Variants in THRB observed in about 807,000 individuals in gnomAD.
THRB encodes nuclear receptor subfamily 1 group A member 2.
In THRB, 12 loss-of-function variants were observed where a neutral mutation model predicts 47.8. The ratio of observed to expected loss-of-function variants is 0.25; its 90% CI spans 0.16 to 0.41. The LOEUF (loss-of-function observed/expected upper bound fraction) is 0.41, where lower values mean the gene tolerates loss of function less well. Among genes scored for constraint, THRB ranks in the 10% least tolerant of loss-of-function variants. The pLI, the probability that THRB is intolerant of heterozygous loss-of-function variation, is 1.00. For synonymous variants in THRB, 218 were observed against 212.2 expected (o/e 1.03, Z -0.24); for missense variants, 348 against 589.2 (o/e 0.59, Z 4.24).
intron 3 of THRB, among the ~76,000 whole-genome samples, chr3:24,272,347 AAACAAC>A (rs35975177): frequency 1.2e-3 from 183 of 149,876 alleles, no homozygotes; most frequent in African/African-American, 3.9e-3. Flanking sequence ...CTCTCTCTCA[AAACAAC>A]AACAACAACA....
chr3:24,285,806 TAG>T (rs990801340), intron 3 of THRB, among the ~76,000 whole-genome samples: 3 of 152,298 alleles, frequency 2.0e-5, no homozygotes, highest in Admixed American at 6.5e-5. Flanking sequence ...TTCCTAAGGT[TAG>T]AGTCTTTTTA....
intron 1 of THRB, among the ~76,000 whole-genome samples, chr3:24,432,275 G>A (rs1367590819): frequency 6.6e-6 from 1 of 152,084 alleles, no homozygotes; most frequent in African/African-American, 2.4e-5. Context: ...GTAGGAACTG[G>A]CAGGCAACCT....
chr3:24,426,279 C>T (rs748057613), intron 1 of THRB, among the ~76,000 whole-genome samples: 9 of 151,882 alleles, frequency 5.9e-5, no homozygotes, highest in Admixed American at 2.0e-4. Flanking sequence ...CAGTCCCTCA[C>T]AAATGTCACT....
intron 1 of THRB, among the ~76,000 whole-genome samples, chr3:24,432,244 C>T (rs1228067075): frequency 6.6e-6 from 1 of 152,058 alleles, no homozygotes; most frequent in Non-Finnish European, 1.5e-5. Context: ...AGGCAGGCCT[C>T]CTTAACCCCA....
At chr3:24,319,312 A>G (rs1306975930) in intron 2 of THRB, among the ~76,000 whole-genome samples, 1 of 152,212 alleles carries the variant, frequency 6.6e-6, no homozygotes, top group Non-Finnish European at 1.5e-5. Flanking sequence ...ACTGGAAACA[A>G]TCCAGTTTTC....
At chr3:24,316,054 A>G (rs7652452) in intron 2 of THRB, among the ~76,000 whole-genome samples, 12 of 152,170 alleles carry the variant, frequency 7.9e-5, no homozygotes, top group African/African-American at 2.4e-4. Flanking sequence ...CCAGCTATGA[A>G]TTGAAAATGC....
intron 1 of THRB, among the ~76,000 whole-genome samples, chr3:24,404,971 T>A (rs921625794): frequency 1.3e-5 from 2 of 151,944 alleles, no homozygotes; most frequent in African/African-American, 4.8e-5. Flanking sequence ...CTAAGAATGA[T>A]CATTAAAGAA....
rs147989103 is a variant in THRB at position 24,449,128 on chromosome 3, A to G, written c.-261+45524T>C. On this transcript the variant is annotated intron_variant, in intron 1 of 10. Transcript: ENST00000646209. ...TTGGCCAATGAAAGACAAAGTATGA[A>G]AGGGAAAATCAGTTCTTCAGAAATG... is the stretch of plus-strand genomic sequence containing the variant. 2.8e-3 allele frequency among the ~76,000 whole-genome samples: 420 copies of G among 152,316 alleles called. 3 individuals are homozygous for G. Among genetic ancestry groups the G allele is most frequent in the African/African-American group, 9.6e-3 (401 of 41,570 alleles).
chr3:24,153,778 C>T (rs1166183258), intron 5 of THRB, among the ~76,000 whole-genome samples: 2 of 152,116 alleles, frequency 1.3e-5, no homozygotes, highest in African/African-American at 4.8e-5. Context: ...CAAAATGAGG[C>T]AGGATTGGTT....
At chr3:24,267,658 CT>C (rs1244946327) in intron 3 of THRB, among the ~76,000 whole-genome samples, 3 of 152,208 alleles carry the variant, frequency 2.0e-5, no homozygotes, top group Admixed American at 2.0e-4. Context: ...ATGTCTAACA[CT>C]CTAGCCTGTC....
chr3:24,334,727 T>A (rs1398530509), intron 2 of THRB, among the ~76,000 whole-genome samples: 3 of 152,138 alleles, frequency 2.0e-5, no homozygotes, highest in African/African-American at 7.2e-5. Context: ...AGGAGGGACA[T>A]TTCTTTTGGG....
chr3:24,223,268 A>G (rs2047342151), intron 4 of THRB, among the ~76,000 whole-genome samples: 1 of 150,146 alleles, frequency 6.7e-6, no homozygotes, highest in Non-Finnish European at 1.5e-5. Context: ...AAAGGTAAGT[A>G]TGAGAGAGAA....
chr3:24,399,955 C>A (rs1253297656), intron 1 of THRB, among the ~76,000 whole-genome samples: 1 of 152,138 alleles, frequency 6.6e-6, no homozygotes, highest in African/African-American at 2.4e-5. Context: ...TCTCTCAACT[C>A]TTCTGCTCAA....
intron 4 of THRB, among the ~76,000 whole-genome samples, chr3:24,190,625 T>A (rs571664421): frequency 1.3e-5 from 2 of 152,222 alleles, no homozygotes; most frequent in African/African-American, 4.8e-5. Context: ...TCCACAGCAA[T>A]GGCCCAGGAG....
chr3:24,473,874 T>C (rs1359880271), intron 1 of THRB, among the ~76,000 whole-genome samples: 1 of 152,124 alleles, frequency 6.6e-6, no homozygotes, highest in Non-Finnish European at 1.5e-5. Context: ...CACTCATAAG[T>C]TGGAGTGGGA....
intron 3 of THRB, among the ~76,000 whole-genome samples, chr3:24,257,056 A>G (rs1247564279): frequency 6.6e-6 from 1 of 151,828 alleles, no homozygotes; most frequent in African/African-American, 2.4e-5. Flanking sequence ...TTGTCATGTG[A>G]CCTTAAGCAC....
At chr3:24,401,444 A>C (rs1425699774) in intron 1 of THRB, among the ~76,000 whole-genome samples, 2 of 152,050 alleles carry the variant, frequency 1.3e-5, no homozygotes, top group Non-Finnish European at 2.9e-5. Flanking sequence ...AAAACATGGG[A>C]GGAAAAATAC....
At chr3:24,366,193 T>C (rs937136527) in intron 1 of THRB, among the ~76,000 whole-genome samples, 1 of 152,204 alleles carries the variant, frequency 6.6e-6, no homozygotes, top group African/African-American at 2.4e-5. Flanking sequence ...TATACACATA[T>C]GTCTATGGTA....
At chr3:24,239,228 C>T (rs1368402402) in intron 3 of THRB, among the ~76,000 whole-genome samples, 2 of 152,154 alleles carry the variant, frequency 1.3e-5, no homozygotes, top group African/African-American at 2.4e-5. Flanking sequence ...AGGCGTGAGC[C>T]ACTGCATTCA....
Sources: gnomAD v4.1 joint callset for allele counts (sites outside exome capture counted in the v4.1 genomes callset) on GRCh38, gnomAD v4.1.1 for gene constraint, MANE v1.5 for transcripts, NCBI Gene and HGNC (gene_info 2026-07-23, HGNC 2026-07-21) for gene names.